CNTN4: variants seen among roughly 807,000 people sequenced by gnomAD.
CNTN4 encodes the protein contactin-4.
A neutral mutation model predicts 122.5 loss-of-function variants in CNTN4; 77 were observed. The observed-to-expected ratio is 0.63, with a 90% confidence interval of 0.52 to 0.76. The LOEUF is 0.76. CNTN4 is among the 30% of genes least tolerant of loss of function. The probability of loss-of-function intolerance (pLI) is 0.00; values close to 1 mark genes in which losing one functional copy is unlikely to be tolerated. For missense variants in CNTN4, 1,256 were observed against 1,259.1 expected, an observed-to-expected ratio of 1.00 and a Z score of 0.04; for synonymous variants, 512 against 447.0, an observed-to-expected ratio of 1.15 and a Z score of -1.83.
At chr3:2,117,339 A>C (rs1445841913) in intron 2 of CNTN4, among the ~76,000 whole-genome samples, 1 of 152,202 alleles carries the variant, frequency 6.6e-6, no homozygotes, top group African/African-American at 2.4e-5. Flanking sequence ...GAAAGGCCCC[A>C]CACTGGGCCT....
intron 4 of CNTN4, among the ~76,000 whole-genome samples, chr3:2,626,510 C>CA (rs1470011899): frequency 4.8e-5 from 7 of 145,236 alleles, no homozygotes; most frequent in African/African-American, 1.8e-4. Context: ...AAAAAAACAA[C>CA]AAAAAACAAA....
intron 4 of CNTN4, among the ~76,000 whole-genome samples, chr3:2,732,172 T>C (rs1216667589): frequency 6.6e-6 from 1 of 152,104 alleles, no homozygotes; most frequent in East Asian, 1.9e-4. Context: ...CTAAAACCGG[T>C]GTTGGCCGAT....
intron 3 of CNTN4, among the ~76,000 whole-genome samples, chr3:2,438,821 G>A (rs1225404788): frequency 6.6e-6 from 1 of 152,158 alleles, no homozygotes; most frequent in Non-Finnish European, 1.5e-5. Context: ...TTTTAAACAG[G>A]ATATGAAGCC....
At chr3:2,749,888 G>A (rs1299497486) in intron 6 of CNTN4, among the ~76,000 whole-genome samples, 1 of 152,108 alleles carries the variant, frequency 6.6e-6, no homozygotes, top group Non-Finnish European at 1.5e-5. Flanking sequence ...TAATAAAAGT[G>A]AGGCAAGACA....
chr3:2,266,391 A>G (rs1460778593), intron 2 of CNTN4, among the ~76,000 whole-genome samples: 1 of 152,118 alleles, frequency 6.6e-6, no homozygotes, highest in African/African-American at 2.4e-5. Context: ...TTAAGGTTCA[A>G]AACACCTATG....
intron 4 of CNTN4, among the ~76,000 whole-genome samples, chr3:2,625,081 GAACTT>G (rs1309120488): frequency 2.0e-5 from 3 of 152,144 alleles, no homozygotes; most frequent in African/African-American, 7.2e-5. Context: ...GCAATAAAGA[GAACTT>G]AAAACAGTAA....
chr3:2,109,270 C>T (rs1444680106), intron 2 of CNTN4, among the ~76,000 whole-genome samples: 1 of 152,044 alleles, frequency 6.6e-6, no homozygotes, highest in Non-Finnish European at 1.5e-5. Context: ...AAAAGTGGCG[C>T]ATTTGGGGGA....
At chr3:2,193,708 T>C (rs2037699190) in intron 2 of CNTN4, among the ~76,000 whole-genome samples, 2 of 152,168 alleles carry the variant, frequency 1.3e-5, no homozygotes, top group South Asian at 4.1e-4. Context: ...CCCCATAAGA[T>C]TATAATGCAT....
intron 2 of CNTN4, among the ~76,000 whole-genome samples, chr3:2,239,298 A>T (rs1266130817): frequency 6.6e-6 from 1 of 152,208 alleles, no homozygotes; most frequent in Non-Finnish European, 1.5e-5. Context: ...GGACTTAAAA[A>T]GGATTACTGA....
intron 4 of CNTN4, among the ~76,000 whole-genome samples, chr3:2,600,106 A>C (rs1264664452): frequency 4.4e-5 from 6 of 136,378 alleles, no homozygotes; most frequent in African/African-American, 1.7e-4. Context: ...TATTTTTTTA[A>C]ATTTAGTCCA....
intron 7 of CNTN4, among the ~76,000 whole-genome samples, chr3:2,832,674 G>A (rs1489127930): frequency 6.6e-6 from 1 of 152,196 alleles, no homozygotes; most frequent in Non-Finnish European, 1.5e-5. Flanking sequence ...AGTTTACTGT[G>A]AAAGTGGTGA....
chr3:2,546,353 C>T (rs1282787196), intron 3 of CNTN4, among the ~76,000 whole-genome samples: 1 of 151,646 alleles, frequency 6.6e-6, no homozygotes, highest in Non-Finnish European at 1.5e-5. Context: ...AGATAATGTC[C>T]TTTGCAGCAA....
intron 2 of CNTN4, among the ~76,000 whole-genome samples, chr3:2,122,563 A>G (rs2033870855): frequency 6.6e-6 from 1 of 152,238 alleles, no homozygotes; most frequent in Non-Finnish European, 1.5e-5. Context: ...GCTATGATAA[A>G]CAATATCTTT....
chr3:2,422,608 G>T (rs1249600701), intron 3 of CNTN4, among the ~76,000 whole-genome samples: 3 of 152,124 alleles, frequency 2.0e-5, no homozygotes, highest in Admixed American at 6.5e-5. Flanking sequence ...CCTATAGATT[G>T]TTGGTATTTC....
intron 3 of CNTN4, among the ~76,000 whole-genome samples, chr3:2,430,422 CAAA>C (rs545639324): frequency 1.2e-4 from 7 of 60,182 alleles, no homozygotes; most frequent in African/African-American, 1.1e-4. Flanking sequence ...ACTCTTGTCT[CAAA>C]AAAAAAAAAA....
chr3:2,626,119 T>C (rs2082175092), intron 4 of CNTN4, among the ~76,000 whole-genome samples: 1 of 152,218 alleles, frequency 6.6e-6, no homozygotes, highest in Admixed American at 6.5e-5. Context: ...ATTCTCCCAG[T>C]TGCTTGCTGG....
At chr3:3,049,290 C>A (rs1025291155) in intron 23 of CNTN4, among the ~76,000 whole-genome samples, 2 of 152,056 alleles carry the variant, frequency 1.3e-5, no homozygotes, top group African/African-American at 4.8e-5. Context: ...ACCATGTTGG[C>A]CAGGCTGGTC....
chr3:2,970,405 T>C (rs556614859), intron 13 of CNTN4, among the ~76,000 whole-genome samples: 1 of 152,270 alleles, frequency 6.6e-6, no homozygotes, highest in South Asian at 2.1e-4. Flanking sequence ...ACTAATAGGC[T>C]ACTATTGACT....
chr3:2,623,859 G>A (rs970651455), intron 4 of CNTN4, among the ~76,000 whole-genome samples: 22 of 152,224 alleles, frequency 1.4e-4, no homozygotes, highest in African/African-American at 4.3e-4. Context: ...GATACAGTAC[G>A]TCAGGGTTTC....
Sources: gnomAD v4.1 joint callset for allele counts (sites outside exome capture counted in the v4.1 genomes callset) on GRCh38, gnomAD v4.1.1 for gene constraint, MANE v1.5 for transcripts, NCBI Gene and HGNC (gene_info 2026-07-23, HGNC 2026-07-21) for gene names.